The following LIG1 variants were observed in gnomAD, a reference collection of about 807,000 sequenced individuals.
LIG1 encodes ligase I, DNA, ATP-dependent.
LIG1 carries 70 observed loss-of-function variants against 115.7 expected under a neutral mutation model. The observed-to-expected ratio is 0.60, with a 90% CI of 0.50 to 0.74. The LOEUF (loss-of-function observed/expected upper bound fraction) is 0.74, where lower values mean the gene tolerates loss of function less well. Among genes scored for constraint, LIG1 ranks in the 30% least tolerant of loss-of-function variants. The pLI, the probability that LIG1 is intolerant of heterozygous loss-of-function variation, is 0.00. For missense variants in LIG1, 1,115 were observed against 1,225.6 expected, an observed-to-expected ratio of 0.91 and a Z score of 1.35; for synonymous variants, 487 against 495.3, an observed-to-expected ratio of 0.98 and a Z score of 0.22.
chr19:48,150,225 C>T lies in LIG1; in HGVS notation c.575-15G>A. On this transcript the variant is annotated splice_polypyrimidine_tract_variant and intron_variant, in intron 7 of 27. Coordinates refer to ENST00000263274, the MANE Select transcript of LIG1 (RefSeq NM_000234.3). ...GGTCTCTGCTTCTGCGGTGAGAGAG[C>T]TCAGACGGTGATGCAAACTCTTTGA... The T allele has an allele frequency of 6.2e-7, 1 of 1,614,088 alleles. No individual in the cohort carries two copies. Among genetic ancestry groups the T allele is most frequent in the Non-Finnish European group, 8.5e-7 (1 of 1,180,036 alleles).
At position 48,139,497 on chromosome 19, in the gene LIG1, C is replaced by T. The variant is rs542125236; in HGVS notation, c.1087+474G>A. 2.0e-5 allele frequency among the ~76,000 whole-genome samples: 3 copies of T among 152,272 alleles called. No homozygotes were observed. The South Asian group carries it at 6.2e-4, about 32-fold the overall frequency. On this transcript the variant is annotated intron_variant, in intron 12 of 27. Coordinates refer to ENST00000263274, the MANE Select transcript of LIG1 (RefSeq NM_000234.3). ...CTCCCCAGTGTCCTCATGATAAGCA[C>T]CGAGCACTCCAGGCCCTTGGCAGGC...
chr19:48,134,611 T>C (rs1419976637), intron 16 of LIG1, among the ~76,000 whole-genome samples: 2 of 152,246 alleles, frequency 1.3e-5, no homozygotes, highest in Admixed American at 1.3e-4. Flanking sequence ...TGAGCTGAGA[T>C]TGTGCTGCTG....
At chr19:48,130,590 C>G (rs754948) in intron 19 of LIG1, among the ~76,000 whole-genome samples, 1 of 152,060 alleles carries the variant, frequency 6.6e-6, no homozygotes, top group East Asian at 1.9e-4. Context: ...TCTGGCTTTC[C>G]GAGGCTTTGT....
At chr19:48,120,894 C>A (rs953304967) in intron 24 of LIG1, 207 of 1,236,170 alleles carry the variant, frequency 1.7e-4, no homozygotes, top group Middle Eastern at 3.1e-4. Context: ...CATTTCATAA[C>A]AAAAAAATTC....
intron 11 of LIG1, among the ~76,000 whole-genome samples, chr19:48,142,490 T>TCATG (rs1033467517): frequency 7.0e-6 from 1 of 142,326 alleles, no homozygotes; most frequent in African/African-American, 2.6e-5. Flanking sequence ...AATGCTCCAC[T>TCATG]CATGTTGGGG....
intron 12 of LIG1, 130 bp downstream of exon 12, chr19:48,139,841 C>G: frequency 9.1e-7 from 1 of 1,094,868 alleles, no homozygotes; most frequent in East Asian, 2.4e-5. Flanking sequence ...TCAGGCTCTC[C>G]TCCCTCTCAG....
At chr19:48,158,678 C>T (rs9304672) in intron 4 of LIG1, among the ~76,000 whole-genome samples, 22,640 of 152,268 alleles carry the variant, frequency 0.15, 2,098 homozygotes, top group African/African-American at 0.27. Context: ...GAGGCACAGC[C>T]GGCTTGCCGG....
chr19:48,160,157 G>A lies in LIG1; in HGVS notation c.243+1215C>T, dbSNP rs371489460. On this transcript the variant is annotated intron_variant, in intron 4 of 27. Coordinates refer to ENST00000263274, the MANE Select transcript of LIG1 (RefSeq NM_000234.3). ...CCAGTGCAACCCATTTGAGACTCACGACTCCCAAACTGTAAGACAATAAAC... is the reference window on the plus strand; with the variant it reads ...CCAGTGCAACCCATTTGAGACTCACAACTCCCAAACTGTAAGACAATAAAC... Among the ~76,000 whole-genome samples, 15 of 152,332 alleles carry A rather than the reference G, an allele frequency of 9.8e-5. 1 individual carries two copies. In the East Asian group the frequency reaches 1.5e-3, roughly 16 times the overall value.
At chr19:48,126,837 CAA>C (rs1284757805) in intron 21 of LIG1, among the ~76,000 whole-genome samples, 1 of 151,948 alleles carries the variant, frequency 6.6e-6, no homozygotes. Flanking sequence ...TCCCACCTCC[CAA>C]AGTGCTCTGA....
intron 16 of LIG1, among the ~76,000 whole-genome samples, chr19:48,134,653 G>A (rs896679282): frequency 2.6e-5 from 4 of 152,222 alleles, no homozygotes; most frequent in Non-Finnish European, 2.9e-5. Context: ...GCGAGACTCC[G>A]TCTCAAACAA....
At chr19:48,150,258 A>ACTTTTTTTTT in intron 7 of LIG1, 48 bp from the exon 8 acceptor site, 2 of 1,609,884 alleles carry the variant, frequency 1.2e-6, no homozygotes, top group Non-Finnish European at 1.7e-6. Flanking sequence ...TGACCCTGAG[A>ACTTTTTTTTT]CTTTTTTTTT....
At chr19:48,167,111 A>G (rs941452829) in intron 1 of LIG1, among the ~76,000 whole-genome samples, 4 of 151,248 alleles carry the variant, frequency 2.6e-5, no homozygotes, top group Admixed American at 6.6e-5. Context: ...ATTCTTGTAA[A>G]CTTCTAATTG....
chr19:48,162,234 T>G, intron 3 of LIG1, 28 bp downstream of exon 3: 1 of 1,582,714 alleles, frequency 6.3e-7, no homozygotes, highest in South Asian at 1.1e-5. Context: ...AAGGAAAAAA[T>G]TCACCATATC....
Position 48,143,927 on chromosome 19 carries a change from G to A in LIG1, c.813C>T (p.Asn271=), listed in dbSNP as rs746951839. 2 of 1,614,106 alleles carry A rather than the reference G, an allele frequency of 1.2e-6. No homozygotes were observed. Residue 271 remains asparagine, a synonymous_variant, in exon 10 of 28, where the codon AAC becomes AAT. Coordinates refer to ENST00000263274, the MANE Select transcript of LIG1 (RefSeq NM_000234.3). ...LDPSGYNPAK[N]NYHPVEDACW... Reference sequence around the variant, plus strand: ...AGGCATCTTCCACGGGATGATAGTTGTTCTTGGCAGGATTGTAACCAGATG... The same window carrying A: ...AGGCATCTTCCACGGGATGATAGTTATTCTTGGCAGGATTGTAACCAGATG...
At chr19:48,133,274 C>T (rs2034162762) in intron 17 of LIG1, 177 bp from the exon 18 acceptor site, 1 of 614,502 alleles carries the variant, frequency 1.6e-6, no homozygotes, top group Non-Finnish European at 2.9e-6. Context: ...CAGCCCCCGG[C>T]CTTCCTTCCA....
Position 48,117,988 on chromosome 19 carries a change from G to A in LIG1, c.2440-207C>T, listed in dbSNP as rs56237092. On this transcript the variant is annotated intron_variant, in intron 25 of 27. Transcript: ENST00000263274. ...AAGAGAAACAGAAAGTGAAAGAAGG[G>A]AAAAGAAACAAGACCCCCTTGAAGT... 29 of 612,922 alleles carry A rather than the reference G, an allele frequency of 4.7e-5. No homozygotes were observed. In the East Asian group the frequency reaches 8.1e-4, roughly 17 times the overall value. 38.0% of individuals were successfully genotyped at this position (612,922 alleles called of 1,614,324 possible).
intron 11 of LIG1, 64 bp downstream of exon 11, chr19:48,143,479 C>T (rs1435766757): frequency 1.0e-5 from 12 of 1,155,462 alleles, no homozygotes; most frequent in Middle Eastern, 2.2e-4. Context: ...CAGCACAGAC[C>T]GCCATGCAGA....
chr19:48,119,289 CTCTGG>C, intron 24 of LIG1, 99 bp from the exon 25 acceptor site: 1 of 934,292 alleles, frequency 1.1e-6, no homozygotes, highest in Non-Finnish European at 1.7e-6. Flanking sequence ...CCCCACCCCA[CTCTGG>C]TCTACGCAGT....
At chr19:48,162,528 G>A (rs1188694856) in intron 2 of LIG1, among the ~76,000 whole-genome samples, 177 bp from the exon 3 acceptor site, 1 of 151,402 alleles carries the variant, frequency 6.6e-6, no homozygotes, top group African/African-American at 2.4e-5. Context: ...CCGCCTCCTG[G>A]GTGCATGCCA....
Sources: allele counts gnomAD v4.1 joint callset (sites outside exome capture counted in the v4.1 genomes callset), GRCh38; gene constraint gnomAD v4.1.1; transcripts MANE v1.5; gene names NCBI Gene and HGNC (gene_info 2026-07-23, HGNC 2026-07-21).